SGMS1: variants seen among roughly 807,000 people sequenced by gnomAD.
The protein encoded by SGMS1 is phosphatidylcholine:ceramide cholinephosphotransferase 1.
SGMS1 carries 13 observed loss-of-function variants against 46.2 expected under a neutral mutation model. The ratio of observed to expected loss-of-function variants is 0.28; its 90% confidence interval spans 0.18 to 0.45. SGMS1 has a LOEUF of 0.45. Among genes scored for constraint, SGMS1 ranks in the 20% least tolerant of loss-of-function variants. The pLI, the probability that SGMS1 is intolerant of heterozygous loss-of-function variation, is 1.00. For missense variants in SGMS1, 324 were observed against 519.9 expected (o/e 0.62, Z 3.66); for synonymous variants, 203 against 187.8 (o/e 1.08, Z -0.66).
chr10:50,488,316 A>G (rs1837539937), intron 3 of SGMS1, among the ~76,000 whole-genome samples: 1 of 151,816 alleles, frequency 6.6e-6, no homozygotes, highest in South Asian at 2.1e-4. Flanking sequence ...CACTCGGCCT[A>G]TTTCCTGATT....
intron 3 of SGMS1, among the ~76,000 whole-genome samples, chr10:50,518,537 G>A (rs1317721224): frequency 6.6e-6 from 1 of 151,966 alleles, no homozygotes; most frequent in African/African-American, 2.4e-5. Context: ...AGTGATTCTC[G>A]TGCTTCAGCC....
At chr10:50,502,288 G>A (rs1355031363) in intron 3 of SGMS1, among the ~76,000 whole-genome samples, 2 of 125,036 alleles carry the variant, frequency 1.6e-5, no homozygotes, top group South Asian at 5.7e-4. Context: ...ACACAAAGAT[G>A]ATTTACAAAT....
intron 6 of SGMS1, among the ~76,000 whole-genome samples, chr10:50,395,155 T>C (rs1410361231): frequency 6.6e-6 from 1 of 152,138 alleles, no homozygotes; most frequent in African/African-American, 2.4e-5. Flanking sequence ...TGTGTGTGAT[T>C]AGACACCTCC....
intron 4 of SGMS1, among the ~76,000 whole-genome samples, chr10:50,464,010 G>C (rs67761241): frequency 0.071 from 10,749 of 152,170 alleles, 963 homozygotes; most frequent in East Asian, 0.37. Context: ...AAGGTGGTTC[G>C]TAGTTGCCAG....
chr10:50,333,265 C>T (rs115201416), intron 7 of SGMS1, among the ~76,000 whole-genome samples: 1,798 of 152,292 alleles, frequency 0.012, 44 homozygotes, highest in African/African-American at 0.041. Context: ...ATATGACTGG[C>T]AGTACCAGCA....
intron 6 of SGMS1, among the ~76,000 whole-genome samples, chr10:50,363,019 C>T (rs958138739): frequency 1.2e-4 from 18 of 152,152 alleles, no homozygotes; most frequent in Non-Finnish European, 1.5e-4. Context: ...AACAATCTAG[C>T]ACCCACATCT....
intron 9 of SGMS1, among the ~76,000 whole-genome samples, chr10:50,308,828 T>C (rs183469375): frequency 1.3e-5 from 2 of 152,362 alleles, no homozygotes; most frequent in Admixed American, 1.3e-4. Context: ...ATTCAGAGGC[T>C]CTGCAGTGTT....
At chr10:50,554,634 G>T (rs1564430735) in intron 2 of SGMS1, among the ~76,000 whole-genome samples, 1 of 152,172 alleles carries the variant, frequency 6.6e-6, no homozygotes, top group Non-Finnish European at 1.5e-5. Context: ...AGAAGGTTCA[G>T]GGGCTGGCCC....
At chr10:50,587,372 C>T (rs193116063) in intron 2 of SGMS1, among the ~76,000 whole-genome samples, 4 of 152,328 alleles carry the variant, frequency 2.6e-5, no homozygotes, top group South Asian at 4.1e-4. Flanking sequence ...TGGCAGCTCA[C>T]GCCTATAATT....
At position 50,596,870 on chromosome 10, in the gene SGMS1, C is replaced by T. The variant is rs570469117; in HGVS notation, c.-683-6623G>A. ...ACAGAAAAGGAAATTGATTCATACA[C>T]TGACTTGCTTAAAGTCAGTGACTGC... On this transcript the variant is annotated intron_variant, in intron 1 of 10. Coordinates refer to ENST00000361781, the MANE Select transcript of SGMS1 (RefSeq NM_147156.4). Among the ~76,000 whole-genome samples the T allele has an allele frequency of 9.8e-5, 15 of 152,312 alleles. No homozygotes were observed. The East Asian group carries it at 2.3e-3, about 23-fold the overall frequency.
chr10:50,521,498 T>A (rs530812529), intron 2 of SGMS1, among the ~76,000 whole-genome samples: 42 of 152,322 alleles, frequency 2.8e-4, no homozygotes, highest in African/African-American at 1.0e-3. Flanking sequence ...TCAGTTAACC[T>A]AATAATGTCC....
intron 2 of SGMS1, among the ~76,000 whole-genome samples, chr10:50,524,406 T>C (rs145205160): frequency 1.4e-3 from 215 of 152,326 alleles, no homozygotes; most frequent in Middle Eastern, 6.8e-3. Context: ...TTATGCTCCA[T>C]CACTAGTGAA....
At chr10:50,521,792 T>G (rs896064470) in intron 2 of SGMS1, among the ~76,000 whole-genome samples, 2 of 152,212 alleles carry the variant, frequency 1.3e-5, no homozygotes, top group Admixed American at 1.3e-4. Flanking sequence ...TGATATTTTC[T>G]TCTCTGGATA....
chr10:50,311,391 G>A lies in SGMS1; in HGVS notation c.766C>T (p.Leu256=), dbSNP rs143523241. The change falls in exon 9 of 11, where the codon CTG becomes TTG. Residue 256 remains leucine (L), a synonymous_variant. Coordinates refer to ENST00000361781, the MANE Select transcript of SGMS1 (RefSeq NM_147156.4). ...PKLFGDWEAQ[L]RRIMKLIAGG... ...GCAATGAGCTTCATTATTCTTCGCAGTTGGGCTTCCCAGTCTCCGAAAAGC... is the reference window on the plus strand; with the variant it reads ...GCAATGAGCTTCATTATTCTTCGCAATTGGGCTTCCCAGTCTCCGAAAAGC... 9.6e-5 allele frequency: 155 copies of A among 1,613,896 alleles called. No homozygotes were observed. The African/African-American group carries it at 1.9e-3, about 20-fold the overall frequency.
intron 2 of SGMS1, among the ~76,000 whole-genome samples, chr10:50,540,186 G>T (rs1838039612): frequency 6.6e-6 from 1 of 152,300 alleles, no homozygotes; most frequent in Non-Finnish European, 1.5e-5. Context: ...CATCCAGAAG[G>T]TGATGACATT....
At chr10:50,457,468 T>C (rs1588837538) in intron 5 of SGMS1, among the ~76,000 whole-genome samples, 2 of 152,182 alleles carry the variant, frequency 1.3e-5, no homozygotes, top group Non-Finnish European at 2.9e-5. Context: ...TGCAGGTTTG[T>C]TACACGGGTA....
chr10:50,346,742 C>T (rs1310949923), intron 6 of SGMS1, among the ~76,000 whole-genome samples: 1 of 151,996 alleles, frequency 6.6e-6, no homozygotes, highest in Admixed American at 6.6e-5. Context: ...ACTCTATTGC[C>T]CAGGCTGGAG....
chr10:50,337,624 A>G (rs891107060), intron 7 of SGMS1, among the ~76,000 whole-genome samples: 1 of 152,196 alleles, frequency 6.6e-6, no homozygotes, highest in Non-Finnish European at 1.5e-5. Flanking sequence ...GAAAAGAAAC[A>G]CTGATGGGAT....
chr10:50,438,648 C>G (rs963988351), intron 5 of SGMS1, among the ~76,000 whole-genome samples: 3 of 152,186 alleles, frequency 2.0e-5, no homozygotes, highest in African/African-American at 4.8e-5. Flanking sequence ...TGTTATGTAG[C>G]TATAGATAAC....
Sources: gnomAD v4.1 joint callset for allele counts (sites outside exome capture counted in the v4.1 genomes callset) on GRCh38, gnomAD v4.1.1 for gene constraint, MANE v1.5 for transcripts, NCBI Gene and HGNC (gene_info 2026-07-23, HGNC 2026-07-21) for gene names.